Variants in PVT1 observed in about 807,000 individuals in gnomAD.
The protein encoded by PVT1 is CXCR4/PVT1 fusion.
chr8:127,994,568 C>A (rs1043407771), intron 4 of PVT1, among the ~76,000 whole-genome samples: 3 of 152,192 alleles, frequency 2.0e-5, no homozygotes, highest in African/African-American at 4.8e-5. Context: ...AAGATAGATG[C>A]GTATCCATGT....
intron 5 of PVT1, among the ~76,000 whole-genome samples, chr8:128,076,005 C>T (rs16902621): frequency 0.018 from 2,753 of 152,228 alleles, 74 homozygotes; most frequent in African/African-American, 0.062. Context: ...ATGTAAAATT[C>T]GAAGTGTTGT....
chr8:127,842,076 ATT>A (rs1337498127), intron 2 of PVT1, among the ~76,000 whole-genome samples: 1 of 150,526 alleles, frequency 6.6e-6, no homozygotes, highest in Non-Finnish European at 1.5e-5. Context: ...TATATTTTTT[ATT>A]TATATATATT....
At chr8:127,931,932 G>GGC in intron 3 of PVT1, among the ~76,000 whole-genome samples, 1 of 152,362 alleles carries the variant, frequency 6.6e-6, no homozygotes, top group South Asian at 2.1e-4. Flanking sequence ...TTCCTCGCTT[G>GGC]GCGCTGTGTG....
intron 3 of PVT1, among the ~76,000 whole-genome samples, chr8:127,981,768 G>A (rs1222418012): frequency 6.6e-6 from 1 of 152,176 alleles, no homozygotes; most frequent in Non-Finnish European, 1.5e-5. Flanking sequence ...CACCCCCACT[G>A]CATCCTCTGT....
intron 3 of PVT1, among the ~76,000 whole-genome samples, chr8:127,943,201 G>A (rs182588978): frequency 5.0e-4 from 76 of 152,236 alleles, no homozygotes; most frequent in Non-Finnish European, 9.7e-4. Flanking sequence ...ATCCTAACGC[G>A]AAGTCTGACA....
At chr8:127,975,110 T>C (rs540306793) in intron 3 of PVT1, among the ~76,000 whole-genome samples, 6 of 152,254 alleles carry the variant, frequency 3.9e-5, no homozygotes, top group Non-Finnish European at 8.8e-5. Flanking sequence ...GTTACACTTC[T>C]AAGGGTGCCA....
chr8:127,943,775 G>A (rs1028201811), intron 3 of PVT1, among the ~76,000 whole-genome samples: 1 of 152,164 alleles, frequency 6.6e-6, no homozygotes, highest in Admixed American at 6.5e-5. Context: ...CTTCCACAGA[G>A]CCTTCTCCTT....
intron 2 of PVT1, among the ~76,000 whole-genome samples, chr8:127,853,412 G>A (rs1291050624): frequency 6.6e-6 from 1 of 152,170 alleles, no homozygotes; most frequent in Non-Finnish European, 1.5e-5. Context: ...CAGTCCAGTT[G>A]AGGCAGCAGA....
rs538535471 is a variant in PVT1 at position 127,976,639 on chromosome 8, C to T, written n.783-12523C>T. ...CCGGCACCTACTTATTGAACATTAA[C>T]CAGGCATCAGGGGCTTGGCACAGGT... On this transcript the variant is annotated intron_variant and non_coding_transcript_variant, in intron 3 of 10. Transcript: ENST00000651587. Among the ~76,000 whole-genome samples the T allele has an allele frequency of 3.9e-5, 6 of 152,258 alleles. No individual in the cohort carries two copies. In the South Asian group the frequency reaches 1.0e-3, roughly 26 times the overall value.
intron 3 of PVT1, among the ~76,000 whole-genome samples, chr8:127,970,954 T>C (rs1816758693): frequency 6.6e-6 from 1 of 152,180 alleles, no homozygotes; most frequent in Non-Finnish European, 1.5e-5. Context: ...CTATCAGTTT[T>C]TGTAAATAAA....
chr8:127,848,694 C>G (rs1305421809), intron 2 of PVT1, among the ~76,000 whole-genome samples: 1 of 152,074 alleles, frequency 6.6e-6, no homozygotes, highest in Non-Finnish European at 1.5e-5. Flanking sequence ...AGATAAAAAA[C>G]AAACAAACAA....
chr8:128,006,428 A>T (rs899521465), intron 4 of PVT1, among the ~76,000 whole-genome samples: 1 of 152,094 alleles, frequency 6.6e-6, no homozygotes, highest in African/African-American at 2.4e-5. Flanking sequence ...ATTACTAATG[A>T]TGTTTACTTC....
chr8:128,086,962 C>G (rs1814265933), intron 5 of PVT1, among the ~76,000 whole-genome samples: 1 of 152,230 alleles, frequency 6.6e-6, no homozygotes, highest in South Asian at 2.1e-4. Flanking sequence ...GGACAAATGT[C>G]TTAGCTTTCC....
intron 2 of PVT1, among the ~76,000 whole-genome samples, chr8:127,875,808 G>A (rs534908434): frequency 1.6e-4 from 25 of 152,180 alleles, no homozygotes; most frequent in Non-Finnish European, 2.6e-4. Flanking sequence ...TTTGGACCCC[G>A]CCTGTGCTCA....
rs34435526 is a variant in PVT1, at chr8:127,796,877, CT to C, written n.372+824del. ...AGATTCTTCTTTTTCTCTTGTTTTG[CT>C]TTTTTTTTTTTTTTTTTGAGACAGA... On this transcript the variant is annotated intron_variant and non_coding_transcript_variant, in intron 2 of 10. Transcript: ENST00000651587. Among the ~76,000 whole-genome samples the C allele has an allele frequency of 1.4e-3, 170 of 121,076 alleles. 1 individual carries two copies. In the South Asian group the frequency reaches 0.016, roughly 11 times the overall value. The allele number at this position is 121,076 out of a possible 152,430, so 79.4% of individuals were successfully genotyped here. A position where few individuals can be genotyped will look rare whatever the true frequency, so the allele number is the denominator to read the frequency against.
chr8:127,801,268 G>A (rs1037353851), intron 2 of PVT1, among the ~76,000 whole-genome samples: 2 of 152,206 alleles, frequency 1.3e-5, no homozygotes, highest in Non-Finnish European at 2.9e-5. Context: ...ATGAGGCAGA[G>A]TCTTGCTCTG....
chr8:128,005,388 G>T (rs150616074), intron 4 of PVT1, among the ~76,000 whole-genome samples: 1 of 152,230 alleles, frequency 6.6e-6, no homozygotes, highest in Non-Finnish European at 1.5e-5. Flanking sequence ...CTTTTAAGGA[G>T]CTGTGACTGA....
intron 4 of PVT1, among the ~76,000 whole-genome samples, chr8:128,041,059 T>G: frequency 6.6e-6 from 1 of 150,390 alleles, no homozygotes; most frequent in African/African-American, 2.4e-5. Context: ...GTTTGTGTGT[T>G]TTGTGCTTGT....
rs564792042 is a variant in PVT1, at chr8:128,072,378, C to A, written n.1114+2017C>A. Among the ~76,000 whole-genome samples the A allele has an allele frequency of 3.3e-5, 5 of 152,322 alleles. No homozygotes were observed. In the East Asian group the frequency reaches 9.6e-4, roughly 29 times the overall value. On this transcript the variant is annotated intron_variant and non_coding_transcript_variant, in intron 5 of 10. Transcript: ENST00000651587. ...ACACAGCGCTCAATTCCTAATTTGA[C>A]CACTCAATCTTGCAGAGCCTCCACC... is the stretch of plus-strand genomic sequence containing the variant.
Sources: gnomAD v4.1 joint callset for allele counts (sites outside exome capture counted in the v4.1 genomes callset) on GRCh38, gnomAD v4.1.1 for gene constraint, MANE v1.5 for transcripts, NCBI Gene and HGNC (gene_info 2026-07-23, HGNC 2026-07-21) for gene names.